The following ACE variants were observed in gnomAD, a reference collection of about 807,000 sequenced individuals.
ACE encodes the protein angiotensin-converting enzyme.
In ACE, 122 loss-of-function variants were observed where a neutral mutation model predicts 162.3. That is an observed-to-expected ratio of 0.75 (90% CI 0.65 to 0.87). The LOEUF is 0.87. ACE is among the 40% of genes least tolerant of loss of function. The pLI is 0.00. For synonymous variants in ACE, 796 were observed against 720.6 expected, an observed-to-expected ratio of 1.10 and a Z score of -1.68; for missense variants, 1,799 against 1,735.1, an observed-to-expected ratio of 1.04 and a Z score of -0.65.
intron 2 of ACE, chr17:63,478,619 C>T (rs2049657229): frequency 5.6e-6 from 2 of 358,142 alleles, no homozygotes; most frequent in Non-Finnish European, 1.1e-5. Flanking sequence ...GCTGTGATTG[C>T]ACTACTGCAC....
At chr17:63,489,241 T>C in intron 17 of ACE, 109 bp downstream of exon 17, 4 of 1,328,198 alleles carry the variant, frequency 3.0e-6, no homozygotes, top group Admixed American at 2.0e-5. Context: ...ACTGAGAGAC[T>C]CCAGCCCTGT....
At position 63,479,922 on chromosome 17, in the gene ACE, C is replaced by A; in HGVS notation, c.655+10C>A. ...GCCTACAAGCAGGACGGTGAGCAGGCCTCTCCCTGTCCAGGAACCACGCCA... is the reference window on the plus strand; with the variant it reads ...GCCTACAAGCAGGACGGTGAGCAGGACTCTCCCTGTCCAGGAACCACGCCA... On this transcript the variant is annotated intron_variant, in intron 4 of 24. Coordinates refer to ENST00000290866, the MANE Select transcript of ACE (RefSeq NM_000789.4). 1 of 1,604,852 alleles carries A rather than the reference C, an allele frequency of 6.2e-7. No homozygotes were observed. Among genetic ancestry groups the A allele is most frequent in the Admixed American group, 1.7e-5 (1 of 59,424 alleles).
intron 8 of ACE, 128 bp from the exon 9 acceptor site, chr17:63,482,901 C>A: frequency 8.5e-7 from 1 of 1,179,134 alleles, no homozygotes. Context: ...CCCAGGGTCT[C>A]GAGGGCCAGC....
In ACE at chr17:63,491,233, A is replaced by T; in HGVS notation, c.2764A>T (p.Lys922Ter). 1 of 1,614,104 alleles carries T rather than the reference A, an allele frequency of 6.2e-7. No individual in the cohort carries two copies. The highest frequency in any genetic ancestry group is 8.5e-7 in the Non-Finnish European group (1 of 1,180,016). Residue 922 changes from lysine (K) to a stop codon, truncating the protein, a stop_gained, in exon 19 of 25, where the codon AAG (lysine) becomes TAG (stop). Transcript: ENST00000290866. LOFTEE classifies it high-confidence loss of function. This position sits in a 1 kb window ranked among gnomAD's most constrained non-coding sequence, Gnocchi z 4.4. ...GGGCTGGACGCCCAGGAGGATGTTT[A>T]AGGAGGCTGATGATTTCTTCACCTC... ...KQGWTPRRMF[K>*]EADDFFTSLG... is the part of the protein sequence containing the mutation.
At chr17:63,494,735 G>A (rs1476846597) in intron 22 of ACE, among the ~76,000 whole-genome samples, 5 of 152,224 alleles carry the variant, frequency 3.3e-5, no homozygotes, top group African/African-American at 2.4e-5. Flanking sequence ...CCAGACCTTG[G>A]TTAAGTAGTT....
intron 22 of ACE, among the ~76,000 whole-genome samples, chr17:63,495,935 C>T (rs2030702715): frequency 6.6e-6 from 1 of 152,228 alleles, no homozygotes; most frequent in South Asian, 2.1e-4. Flanking sequence ...CCTTGACTGG[C>T]AGATTTCTAC....
chr17:63,484,836 C>T lies in ACE; in HGVS notation c.1921+295C>T, dbSNP rs755235328. The T allele has an allele frequency of 1.1e-4, 164 of 1,543,152 alleles. No individual in the cohort carries two copies. The highest frequency in any genetic ancestry group is 1.4e-4 in the South Asian group (12 of 83,010). On this transcript the variant is annotated intron_variant, in intron 12 of 24. Coordinates refer to ENST00000290866, the MANE Select transcript of ACE (RefSeq NM_000789.4). The surrounding 1 kb of genome is among the most constrained non-coding windows in gnomAD (Gnocchi z 4.0). ...GGCTCCGCTCTTATTGGCCAGGGGA[C>T]GGTAGCTGCAGGACTCTGCTCTCCT...
rs746108090 is a variant in ACE at position 63,484,415 on chromosome 17, C to T, written c.1795C>T (p.Leu599=). ...VGLDALDAQP[L]LKYFQPVTQW... is the part of the protein sequence containing the mutation. ...CTTAGATGCCCTGGATGCCCAGCCG[C>T]TGCTCAAGTACTTCCAGCCAGTCAC... Residue 599 remains leucine (L), a synonymous_variant, in exon 12 of 25, where the codon CTG becomes TTG. Transcript: ENST00000290866. The surrounding 1 kb of genome is among the most constrained non-coding windows in gnomAD (Gnocchi z 4.0). 1.2e-6 allele frequency: 2 copies of T among 1,612,398 alleles called. No individual in the cohort carries two copies. Among genetic ancestry groups the T allele is most frequent in the Admixed American group, 1.7e-5 (1 of 59,976 alleles).
intron 6 of ACE, 107 bp downstream of exon 6, chr17:63,481,295 A>G (rs2049705650): frequency 6.4e-6 from 7 of 1,088,976 alleles, no homozygotes; most frequent in Non-Finnish European, 9.6e-6. Flanking sequence ...ACTGAGCAGC[A>G]GCCTGGTGTG....
At chr17:63,490,727 C>G in intron 17 of ACE, 1 of 575,598 alleles carries the variant, frequency 1.7e-6, no homozygotes, top group African/African-American at 1.9e-5. Context: ...CCTGGATTCC[C>G]TGATAACCAG....
intron 17 of ACE, 77 bp downstream of exon 17, chr17:63,489,209 G>A (rs1309706459): frequency 2.6e-6 from 4 of 1,530,820 alleles, no homozygotes; most frequent in Non-Finnish European, 3.5e-6. Flanking sequence ...GGGCTGACTA[G>A]AGGGTAGGGA....
In ACE at chr17:63,477,089, C is replaced by T. The variant is rs1473819810; in HGVS notation, c.-6C>T. 4 of 1,302,700 alleles carry T rather than the reference C, an allele frequency of 3.1e-6. No individual in the cohort carries two copies. Among genetic ancestry groups the T allele is most frequent in the Non-Finnish European group, 3.9e-6 (4 of 1,033,398 alleles). The allele number at this position is 1,302,700 out of a possible 1,614,324, so 80.7% of individuals were successfully genotyped here. A position where few individuals can be genotyped will look rare whatever the true frequency, so the allele number is the denominator to read the frequency against. On this transcript the variant is annotated 5_prime_UTR_variant, in exon 1 of 25. Transcript: ENST00000290866. ...AGGGGCAGAGCCGAGCACCGCGCAC[C>T]GCGTCATGGGGGCCGCCTCGGGCCG...
chr17:63,480,267 C>G, intron 4 of ACE, 70 bp from the exon 5 acceptor site: 2 of 1,552,980 alleles, frequency 1.3e-6, no homozygotes, highest in East Asian at 2.3e-5. Context: ...GTGGAAGAGC[C>G]GACTTACAGC....
chr17:63,485,384 C>T lies in ACE; in HGVS notation c.2058+12C>T, dbSNP rs1385454881. 6.2e-7 allele frequency: 1 copy of T among 1,613,710 alleles called. No individual in the cohort carries two copies. Among genetic ancestry groups the T allele is most frequent in the African/African-American group, 1.3e-5 (1 of 74,876 alleles). On this transcript the variant is annotated intron_variant, in intron 13 of 24. Coordinates refer to ENST00000290866, the MANE Select transcript of ACE (RefSeq NM_000789.4). ...CCAGCAAGATTCTGGTGGGAGCCAC[C>T]TCCCCACCCCCAAACCTGAGCATGT... is the stretch of plus-strand genomic sequence containing the variant.
At chr17:63,486,275 G>C (rs1172845947) in intron 13 of ACE, 2 of 512,802 alleles carry the variant, frequency 3.9e-6, no homozygotes, top group Non-Finnish European at 3.5e-6. Flanking sequence ...CTAATACCAA[G>C]CTGGCTCCTT....
At chr17:63,478,252 G>T in intron 2 of ACE, 154 bp downstream of exon 2, 1 of 994,028 alleles carries the variant, frequency 1.0e-6, no homozygotes, top group South Asian at 1.7e-5. Flanking sequence ...ATGGCTTTCT[G>T]AGCATTGATT....
intron 9 of ACE, 112 bp from the exon 10 acceptor site, chr17:63,483,348 C>T: frequency 6.8e-7 from 1 of 1,470,028 alleles, no homozygotes; most frequent in Non-Finnish European, 9.5e-7. Context: ...AAGTCTTCCC[C>T]AGTTCCTCAG....
Position 63,497,432 on chromosome 17 carries a change from G to C in ACE, c.*66G>C. On this transcript the variant is annotated 3_prime_UTR_variant, in exon 25 of 25. Transcript: ENST00000290866. ...CAGAGACTGGGATGGGAACACTGGTGGGCAGCTGAGGACACACCCCACACC... is the reference window on the plus strand; with the variant it reads ...CAGAGACTGGGATGGGAACACTGGTCGGCAGCTGAGGACACACCCCACACC... 1 of 1,409,856 alleles carries C rather than the reference G, an allele frequency of 7.1e-7. No homozygotes were observed. Among genetic ancestry groups the C allele is most frequent in the Non-Finnish European group, 9.7e-7 (1 of 1,026,332 alleles). The allele number at this position is 1,409,856 out of a possible 1,614,324, so 87.3% of individuals were successfully genotyped here. A position where few individuals can be genotyped will look rare whatever the true frequency, so the allele number is the denominator to read the frequency against.
intron 7 of ACE, among the ~76,000 whole-genome samples, chr17:63,482,169 C>T (rs1281413573): frequency 6.6e-5 from 10 of 152,014 alleles, no homozygotes; most frequent in Non-Finnish European, 1.5e-5. Flanking sequence ...GGGGTGATGG[C>T]GGGCGCCTGT....
Sources: gnomAD v4.1 joint callset for allele counts (sites outside exome capture counted in the v4.1 genomes callset) on GRCh38, gnomAD v4.1.1 for gene constraint, Gnocchi (gnomAD v3.1) non-coding constraint, MANE v1.5 for transcripts, NCBI Gene and HGNC (gene_info 2026-07-23, HGNC 2026-07-21) for gene names.